Variants in ZNF337 observed in about 807,000 individuals in gnomAD.
The protein encoded by ZNF337 is zinc finger protein 337.
In ZNF337, 8 loss-of-function variants were observed where a neutral mutation model predicts 12.1. The ratio of observed to expected loss-of-function variants is 0.66; its 90% CI spans 0.39 to 1.19. ZNF337 has a LOEUF of 1.19. Among genes scored for constraint, ZNF337 ranks in the 50% most tolerant of loss-of-function variants. The pLI, the probability that ZNF337 is intolerant of heterozygous loss-of-function variation, is 0.01. For missense variants in ZNF337, 882 were observed against 896.6 expected (o/e 0.98, Z 0.21); for synonymous variants, 336 against 320.0 (o/e 1.05, Z -0.53).
At position 25,676,342 on chromosome 20, in the gene ZNF337, CT is replaced by C. The variant is rs2065689057; in HGVS notation, c.945del (p.Glu317ArgfsTer71). 1 of 1,614,194 alleles carries C rather than the reference CT, an allele frequency of 6.2e-7. No individual in the cohort carries two copies. On this transcript the variant is annotated frameshift_variant, in exon 5 of 5. Transcript: ENST00000252979. LOFTEE classifies it low-confidence loss of function (END_TRUNC). ...SSYNKHLKAHSGEKPFVCKEC... is the reference protein window; with the variant it reads ...SSYNKHLKAHXGEKPFVCKEC... ...TCCTTGCACACAAAAGGCTTCTCCC[CT>C]GAATGCGCCTTCAAGTGCTTGTTGT...
In ZNF337 at chr20:25,685,493, T is replaced by C. The variant is rs562507586; in HGVS notation, c.250+74A>G. 6 of 1,302,640 alleles carry C rather than the reference T, an allele frequency of 4.6e-6. No individual in the cohort carries two copies. The Admixed American group carries it at 1.1e-4, about 24-fold the overall frequency. The allele number at this position is 1,302,640 out of a possible 1,614,324, so 80.7% of individuals were successfully genotyped here. On this transcript the variant is annotated intron_variant, in intron 4 of 4. Coordinates refer to ENST00000252979, the MANE Select transcript of ZNF337 (RefSeq NM_015655.4). Reference sequence around the variant, plus strand: ...AGGCCAGAACAGCTTCCAGGTCCCCTGGCCTCAGAGAAGCCTCCTCCCTCC... The same window carrying C: ...AGGCCAGAACAGCTTCCAGGTCCCCCGGCCTCAGAGAAGCCTCCTCCCTCC...
chr20:25,690,392 A>G (rs545605165), intron 1 of ZNF337, among the ~76,000 whole-genome samples: 22 of 152,366 alleles, frequency 1.4e-4, no homozygotes, highest in African/African-American at 5.0e-4. Context: ...CTCATGGTGA[A>G]CTTGCCTATA....
At position 25,674,914 on chromosome 20, in the gene ZNF337, G is replaced by T; in HGVS notation, c.*118C>A. On this transcript the variant is annotated 3_prime_UTR_variant, in exon 5 of 5. Transcript: ENST00000252979. ...GAATTCAGGTTCTCTGTAGCCCTCT[G>T]GATTCTGTCTGCCTCTGTTATATCT... The T allele has an allele frequency of 1.1e-6, 1 of 912,420 alleles. No homozygotes were observed. The highest frequency in any genetic ancestry group is 1.6e-6 in the Non-Finnish European group (1 of 606,898). The allele number at this position is 912,420 out of a possible 1,614,324, so 56.5% of individuals were successfully genotyped here. A position where few individuals can be genotyped will look rare whatever the true frequency, so the allele number is the denominator to read the frequency against.
Position 25,676,748 on chromosome 20 carries a change from G to C in ZNF337, c.540C>G (p.Phe180Leu), listed in dbSNP as rs1366763269. The change falls in exon 5 of 5, where the codon TTC becomes TTG. Residue 180 changes from phenylalanine (F) to leucine (L), a missense_variant. Phe to Leu is a conservative substitution (Grantham distance 22, BLOSUM62 0). Transcript: ENST00000252979. ...AGTCTTGCCCACGCTCTGCACACTT[G>C]AATGCTCCCCATCTTGAATTTTCTA... ...KGIENSRWGA[F>L]KCAERGQDFS... 1 of 1,614,058 alleles carries C rather than the reference G, an allele frequency of 6.2e-7. No individual in the cohort carries two copies. The highest frequency in any genetic ancestry group is 2.2e-5 in the East Asian group (1 of 44,892).
At chr20:25,679,443 T>C (rs1417974514) in intron 4 of ZNF337, among the ~76,000 whole-genome samples, 1 of 152,044 alleles carries the variant, frequency 6.6e-6, no homozygotes, top group East Asian at 1.9e-4. Flanking sequence ...GGGACTAATA[T>C]ACAGAATATA....
chr20:25,673,814 G>A lies in ZNF337; in HGVS notation c.*1218C>T, dbSNP rs1224221990. 6.6e-6 allele frequency: 1 copy of A among 152,174 alleles called. No individual in the cohort carries two copies. The highest frequency in any genetic ancestry group is 1.5e-5 in the Non-Finnish European group (1 of 68,032). 9.4% of individuals were successfully genotyped at this position (152,174 alleles called of 1,614,324 possible). On this transcript the variant is annotated 3_prime_UTR_variant, in exon 5 of 5. Transcript: ENST00000252979. ...TCAAGGTCCTTCTGCAGGTGGTAATGCAGATCGGCGATAATCAGTCTACTC... is the reference window on the plus strand; with the variant it reads ...TCAAGGTCCTTCTGCAGGTGGTAATACAGATCGGCGATAATCAGTCTACTC...
In ZNF337 at chr20:25,685,977, C is replaced by T. The variant is rs763337919; in HGVS notation, c.154+19G>A. 28 of 1,600,746 alleles carry T rather than the reference C, an allele frequency of 1.7e-5. No individual in the cohort carries two copies. Among genetic ancestry groups the T allele is most frequent in the East Asian group, 6.7e-5 (3 of 44,818 alleles). On this transcript the variant is annotated intron_variant, in intron 3 of 4. Transcript: ENST00000252979. ...GGCACCACAGGCCAAATGTTAGGCTCGAGGGAAGCCACGCTTACCTAGTGA... is the reference window on the plus strand; with the variant it reads ...GGCACCACAGGCCAAATGTTAGGCTTGAGGGAAGCCACGCTTACCTAGTGA...
At position 25,696,790 on chromosome 20, in the gene ZNF337, G is replaced by C; in HGVS notation, c.-81C>G. ...GGCTGAGGGCGAACCGAGGCGGTGA[G>C]GTCACCGATGGTGGACCACGCATCT... On this transcript the variant is annotated 5_prime_UTR_variant, in exon 1 of 5. Transcript: ENST00000252979. The C allele has an allele frequency of 1.0e-6, 1 of 985,550 alleles. No homozygotes were observed. Among genetic ancestry groups the C allele is most frequent in the South Asian group, 4.7e-5 (1 of 21,296 alleles). 61.1% of individuals were successfully genotyped at this position (985,550 alleles called of 1,614,324 possible).
chr20:25,689,581 G>T (rs150090396), intron 1 of ZNF337, among the ~76,000 whole-genome samples: 1,657 of 152,264 alleles, frequency 0.011, 35 homozygotes, highest in African/African-American at 0.035. Context: ...TCATTATACA[G>T]TTAAAAGCAG....
At chr20:25,696,170 A>G (rs950934134) in intron 1 of ZNF337, among the ~76,000 whole-genome samples, 2 of 145,058 alleles carry the variant, frequency 1.4e-5, no homozygotes, top group African/African-American at 5.1e-5. Flanking sequence ...TCCGCGGAAG[A>G]TCGTCCCAAG....
Position 25,676,889 on chromosome 20 carries a change from G to C in ZNF337, c.399C>G (p.Ser133=). 6.2e-7 allele frequency: 1 copy of C among 1,614,146 alleles called. No homozygotes were observed. The highest frequency in any genetic ancestry group is 1.1e-5 in the South Asian group (1 of 91,084). The change falls in exon 5 of 5, where the codon TCC becomes TCG. Residue 133 remains serine, a synonymous_variant. Transcript: ENST00000252979. Reference sequence around the variant, plus strand: ...TTACTGCATGTCTTAGGGGTGGGCTGGAAAATGCCATGGGCTTAGTGCTTT... The same window carrying C: ...TTACTGCATGTCTTAGGGGTGGGCTCGAAAATGCCATGGGCTTAGTGCTTT... ...KEKSTKPMAF[S]SPPLRHAVSS...
At chr20:25,694,666 T>C (rs1167887661) in intron 1 of ZNF337, among the ~76,000 whole-genome samples, 1 of 152,144 alleles carries the variant, frequency 6.6e-6, no homozygotes, top group African/African-American at 2.4e-5. Flanking sequence ...CCCAAATGCC[T>C]ATGTATGAGG....
intron 4 of ZNF337, among the ~76,000 whole-genome samples, chr20:25,681,766 C>T (rs2065771078): frequency 6.6e-6 from 1 of 152,214 alleles, no homozygotes; most frequent in African/African-American, 2.4e-5. Context: ...GAATGTTACA[C>T]TTAAGATTTA....
At chr20:25,678,863 G>A (rs1413523132) in intron 4 of ZNF337, among the ~76,000 whole-genome samples, 1 of 152,120 alleles carries the variant, frequency 6.6e-6, no homozygotes, top group Non-Finnish European at 1.5e-5. Flanking sequence ...GATCACTTAA[G>A]CCCAGGAGTT....
At chr20:25,682,941 G>A (rs1045475685) in intron 4 of ZNF337, among the ~76,000 whole-genome samples, 4 of 152,138 alleles carry the variant, frequency 2.6e-5, no homozygotes, top group Non-Finnish European at 4.4e-5. Flanking sequence ...TACTCGAGGA[G>A]AACTGCAGCT....
intron 1 of ZNF337, among the ~76,000 whole-genome samples, chr20:25,693,963 A>G (rs1179639645): frequency 6.6e-6 from 1 of 152,088 alleles, no homozygotes; most frequent in Non-Finnish European, 1.5e-5. Flanking sequence ...CTTGTTAAAA[A>G]AAAAGGACCC....
Position 25,675,052 on chromosome 20 carries a change from C to T in ZNF337, c.2236G>A (p.Val746Met). The T allele has an allele frequency of 6.2e-7, 1 of 1,613,614 alleles. No homozygotes were observed. Among genetic ancestry groups the T allele is most frequent in the Non-Finnish European group, 8.5e-7 (1 of 1,179,738 alleles). The part of the protein sequence containing the change: ...LREKRFCTGS[V>M]GEASS ...TAACTTCAAGATGAAGCCTCACCCA[C>T]ACTCCCTGTACAAAAACGCTTCTCA... is the stretch of plus-strand genomic sequence containing the variant. The change falls in exon 5 of 5, where the codon GTG (valine) becomes ATG (methionine). Residue 746 changes from valine to methionine, a missense_variant. By Grantham distance (21) the Val-to-Met change is conservative (BLOSUM62 1). Coordinates refer to ENST00000252979, the MANE Select transcript of ZNF337 (RefSeq NM_015655.4).
At chr20:25,687,953 C>T (rs570990160) in intron 1 of ZNF337, among the ~76,000 whole-genome samples, 25 of 152,260 alleles carry the variant, frequency 1.6e-4, no homozygotes, top group Admixed American at 6.5e-4. Flanking sequence ...TCAACTGTGG[C>T]AAAATAAACA....
rs1381145461 is a variant in ZNF337, at chr20:25,676,652, C to T, written c.636G>A (p.Glu212=). The change falls in exon 5 of 5, where the codon GAG becomes GAA. Residue 212 remains glutamate (E), a synonymous_variant. Coordinates refer to ENST00000252979, the MANE Select transcript of ZNF337 (RefSeq NM_015655.4). Reference sequence around the variant, plus strand: ...ACTCATCTCTAAAGCCCTGGTGACACTCCCTGCATGTAAAAAGTTTCTGCC... The same window carrying T: ...ACTCATCTCTAAAGCCCTGGTGACATTCCCTGCATGTAAAAAGTTTCTGCC... ...HSRQKLFTCR[E]CHQGFRDESA... is the part of the protein sequence containing the mutation. The T allele has an allele frequency of 3.1e-6, 5 of 1,614,110 alleles. No individual in the cohort carries two copies. In the African/African-American group the frequency reaches 5.3e-5, roughly 17 times the overall value.
Sources: allele counts gnomAD v4.1 joint callset (sites outside exome capture counted in the v4.1 genomes callset), GRCh38; gene constraint gnomAD v4.1.1; transcripts MANE v1.5; gene names NCBI Gene and HGNC (gene_info 2026-07-23, HGNC 2026-07-21).